The following CSMD1 variants were observed in gnomAD, a reference collection of about 807,000 sequenced individuals.
CSMD1 encodes CUB and sushi domain-containing protein 1.
In CSMD1, 213 loss-of-function variants were observed where a neutral mutation model predicts 417.5. That is an observed-to-expected ratio of 0.51 (90% CI 0.46 to 0.57). The LOEUF is 0.57. Among genes scored for constraint, CSMD1 ranks in the 20% least tolerant of loss-of-function variants. The pLI is 0.00. For missense variants in CSMD1, 6,923 were observed against 4,529.7 expected (o/e 1.53, Z -15.17); for synonymous variants, 2,862 against 1,736.8 (o/e 1.65, Z -16.11).
chr8:3,182,584 G>A (rs1350022106), intron 36 of CSMD1, among the ~76,000 whole-genome samples: 1 of 9,158 alleles, frequency 1.1e-4, no homozygotes, highest in Non-Finnish European at 1.9e-4. Flanking sequence ...GAAGCTGTGT[G>A]TGTGTGTGTG....
chr8:4,032,131 C>A (rs1274402605), intron 3 of CSMD1, 32 bp from the exon 4 acceptor site: 8 of 1,546,770 alleles, frequency 5.2e-6, no homozygotes, highest in Non-Finnish European at 6.2e-6. Flanking sequence ...GGAGAAAAAA[C>A]AAGTTAAATT....
At chr8:3,294,936 G>C (rs942670111) in intron 25 of CSMD1, among the ~76,000 whole-genome samples, 4 of 152,162 alleles carry the variant, frequency 2.6e-5, no homozygotes, top group African/African-American at 4.8e-5. Flanking sequence ...GCTGTAGACT[G>C]GAGCTGTTCC....
intron 30 of CSMD1, among the ~76,000 whole-genome samples, chr8:3,207,146 A>G (rs1453058886): frequency 3.4e-5 from 3 of 88,648 alleles, no homozygotes; most frequent in Non-Finnish European, 6.7e-5. Context: ...TTTTTTTTTC[A>G]TTTTCTTTTT....
At chr8:4,243,756 A>T (rs1276813952) in intron 3 of CSMD1, among the ~76,000 whole-genome samples, 5 of 152,234 alleles carry the variant, frequency 3.3e-5, no homozygotes, top group African/African-American at 1.2e-4. Context: ...TTGCCGTGTC[A>T]TCATTCTAGT....
Position 3,498,836 on chromosome 8 carries a change from T to C in CSMD1, c.1345-5110A>G, listed in dbSNP as rs186194330. On this transcript the variant is annotated intron_variant, in intron 10 of 69. Coordinates refer to ENST00000635120, the MANE Select transcript of CSMD1 (RefSeq NM_033225.6). ...TCATTTTATTATTCAGTTTCAAGAC[T>C]TCTGCTTAGTTCTTTTTGTGTAATA... is the stretch of plus-strand genomic sequence containing the variant. 4.0e-4 allele frequency among the ~76,000 whole-genome samples: 61 copies of C among 152,304 alleles called. No individual in the cohort carries two copies. In the East Asian group the frequency reaches 0.012, roughly 29 times the overall value.
At chr8:4,592,212 T>C (rs1800026255) in intron 2 of CSMD1, among the ~76,000 whole-genome samples, 1 of 151,438 alleles carries the variant, frequency 6.6e-6, no homozygotes, top group Admixed American at 6.6e-5. Context: ...AGAATCTTCC[T>C]TTAATTGTGC....
intron 3 of CSMD1, among the ~76,000 whole-genome samples, chr8:4,344,994 C>G (rs570839437): frequency 6.8e-6 from 1 of 148,026 alleles, no homozygotes; most frequent in East Asian, 1.9e-4. Flanking sequence ...AAATGGCTAG[C>G]CAATGTTTCA....
At position 4,945,899 on chromosome 8, in the gene CSMD1, A is replaced by T. The variant is rs191332656; in HGVS notation, c.85+48433T>A. ...ATCACAGAAACTCCTGAATAATAGC[A>T]TTCACTCGAAGAAAACAGAATGTTA... On this transcript the variant is annotated intron_variant, in intron 1 of 69. Transcript: ENST00000635120. Among the ~76,000 whole-genome samples the T allele has an allele frequency of 1.6e-3, 244 of 152,292 alleles. 1 individual carries two copies. The highest frequency in any genetic ancestry group is 5.6e-3 in the African/African-American group (233 of 41,560).
At chr8:4,116,711 A>G (rs1802170902) in intron 3 of CSMD1, among the ~76,000 whole-genome samples, 1 of 152,076 alleles carries the variant, frequency 6.6e-6, no homozygotes, top group African/African-American at 2.4e-5. Flanking sequence ...CGCGCCATGC[A>G]GCAGGGCAGG....
intron 27 of CSMD1, among the ~76,000 whole-genome samples, chr8:3,224,682 A>T (rs561021098): frequency 6.6e-6 from 1 of 152,220 alleles, no homozygotes; most frequent in South Asian, 2.1e-4. Context: ...GTTTGAAGTC[A>T]TCAATTTTGA....
At chr8:3,244,816 T>C (rs1229914126) in intron 26 of CSMD1, among the ~76,000 whole-genome samples, 1 of 152,164 alleles carries the variant, frequency 6.6e-6, no homozygotes, top group African/African-American at 2.4e-5. Context: ...CACAGATGGG[T>C]GCGGGATCCG....
At chr8:4,387,570 C>CAAAAGAAAAA (rs1803536289) in intron 3 of CSMD1, among the ~76,000 whole-genome samples, 4 of 37,228 alleles carry the variant, frequency 1.1e-4, no homozygotes. Context: ...TCCAAACTGG[C>CAAAAGAAAAA]AAAAAAAAAA....
At chr8:4,315,059 C>T (rs1358148982) in intron 3 of CSMD1, among the ~76,000 whole-genome samples, 1 of 152,122 alleles carries the variant, frequency 6.6e-6, no homozygotes. Flanking sequence ...CTTCCCACTG[C>T]CCCGACCATT....
chr8:3,743,382 TA>T (rs1214060378), intron 6 of CSMD1, among the ~76,000 whole-genome samples: 7 of 152,194 alleles, frequency 4.6e-5, no homozygotes, highest in Non-Finnish European at 1.0e-4. Context: ...CGTCCACACA[TA>T]AAACTGCATT....
intron 3 of CSMD1, among the ~76,000 whole-genome samples, chr8:4,183,648 T>G (rs1798502738): frequency 6.6e-6 from 1 of 152,238 alleles, no homozygotes; most frequent in Admixed American, 6.5e-5. Flanking sequence ...AATTTTAAGT[T>G]TCCTTACAAA....
chr8:3,906,155 C>T (rs1808094194), intron 5 of CSMD1, among the ~76,000 whole-genome samples: 1 of 152,152 alleles, frequency 6.6e-6, no homozygotes, highest in Admixed American at 6.5e-5. Context: ...AGGTAAGCAT[C>T]ATACTACCTG....
chr8:4,170,408 G>C (rs10097159), intron 3 of CSMD1, among the ~76,000 whole-genome samples: 1 of 151,602 alleles, frequency 6.6e-6, no homozygotes, highest in Non-Finnish European at 1.5e-5. Context: ...AAAAGCATAT[G>C]CATGTATACC....
chr8:3,059,146 T>C (rs1429988734), intron 49 of CSMD1, among the ~76,000 whole-genome samples: 2 of 150,776 alleles, frequency 1.3e-5, no homozygotes, highest in African/African-American at 2.4e-5. Flanking sequence ...CCCCATCCCA[T>C]CAAAGCGTAT....
At chr8:4,273,105 G>A (rs1226760336) in intron 3 of CSMD1, among the ~76,000 whole-genome samples, 1 of 152,070 alleles carries the variant, frequency 6.6e-6, no homozygotes, top group African/African-American at 2.4e-5. Context: ...ATAAACAAAT[G>A]AAAGCCAAAG....
Sources: gnomAD v4.1 joint callset for allele counts (sites outside exome capture counted in the v4.1 genomes callset) on GRCh38, gnomAD v4.1.1 for gene constraint, MANE v1.5 for transcripts, NCBI Gene and HGNC (gene_info 2026-07-23, HGNC 2026-07-21) for gene names.